The following PAM variants were observed in gnomAD, a reference collection of about 807,000 sequenced individuals.
PAM encodes the protein peptidylglycine alpha-amidating monooxygenase.
Under a neutral mutation model 122.1 loss-of-function variants are expected in PAM, and 72 were observed. The observed-to-expected ratio is 0.59, with a 90% confidence interval of 0.49 to 0.72. The LOEUF is 0.72. PAM is among the 30% of genes least tolerant of loss of function. The probability of loss-of-function intolerance (pLI) is 0.00; values close to 1 mark genes in which losing one functional copy is unlikely to be tolerated. For missense variants in PAM, 1,106 were observed against 1,183.7 expected (o/e 0.93, Z 0.96); for synonymous variants, 389 against 404.4 (o/e 0.96, Z 0.46).
chr5:102,970,463 G>C (rs1374663839), intron 14 of PAM, among the ~76,000 whole-genome samples: 1 of 152,124 alleles, frequency 6.6e-6, no homozygotes, highest in African/African-American at 2.4e-5. Flanking sequence ...TGAAGGATAT[G>C]TTATGTTAGA....
At chr5:102,918,203 A>C (rs1561881238) in intron 5 of PAM, among the ~76,000 whole-genome samples, 1 of 152,126 alleles carries the variant, frequency 6.6e-6, no homozygotes, top group East Asian at 1.9e-4. Flanking sequence ...TGTAACCCCA[A>C]TGCCTTCTTC....
chr5:102,965,497 G>T (rs2150315524), intron 14 of PAM, among the ~76,000 whole-genome samples: 1 of 151,998 alleles, frequency 6.6e-6, no homozygotes. Context: ...GGAAGATTCA[G>T]TGTCTTAAAT....
intron 15 of PAM, among the ~76,000 whole-genome samples, chr5:102,976,053 T>G (rs1432052108): frequency 6.6e-6 from 1 of 152,122 alleles, no homozygotes; most frequent in Non-Finnish European, 1.5e-5. Flanking sequence ...ATGGTAGTGC[T>G]CAAGAGAAAA....
chr5:102,959,874 G>T lies in PAM; in HGVS notation c.906-1G>T. ...TTGTTATATCTTTTTTTTGCCTGCA[G>T]TGGCACGTCTAGTGATGAAATGTGC... On this transcript the variant is annotated splice_acceptor_variant, in intron 12 of 25. Coordinates refer to ENST00000438793, the MANE Select transcript of PAM (RefSeq NM_001177306.2). LOFTEE classifies it high-confidence loss of function. 1 of 1,601,722 alleles carries T rather than the reference G, an allele frequency of 6.2e-7. No individual in the cohort carries two copies. Among genetic ancestry groups the T allele is most frequent in the Non-Finnish European group, 8.5e-7 (1 of 1,172,716 alleles).
intron 1 of PAM, among the ~76,000 whole-genome samples, chr5:102,779,847 T>C (rs537068567): frequency 1.4e-5 from 2 of 146,398 alleles, no homozygotes; most frequent in East Asian, 2.0e-4. Flanking sequence ...TGTGGGACCT[T>C]GTGATCATGT....
chr5:102,790,477 T>A (rs1276822212), intron 1 of PAM, among the ~76,000 whole-genome samples: 3 of 152,070 alleles, frequency 2.0e-5, no homozygotes, highest in African/African-American at 7.2e-5. Flanking sequence ...TCAATAAGCC[T>A]GTGGTTCTTA....
At chr5:102,916,180 T>C (rs1803031937) in intron 5 of PAM, among the ~76,000 whole-genome samples, 1 of 152,108 alleles carries the variant, frequency 6.6e-6, no homozygotes, top group African/African-American at 2.4e-5. Context: ...AGGCCATTTT[T>C]AAAGCCTCTC....
At chr5:102,802,518 T>C (rs1765053854) in intron 1 of PAM, among the ~76,000 whole-genome samples, 1 of 152,090 alleles carries the variant, frequency 6.6e-6, no homozygotes, top group Non-Finnish European at 1.5e-5. Context: ...AGGGCAGATA[T>C]TTATGCGGGA....
chr5:103,028,089 T>C, intron 24 of PAM, 96 bp from the exon 25 acceptor site: 1 of 903,458 alleles, frequency 1.1e-6, no homozygotes. Flanking sequence ...CCTTGCTTTA[T>C]CATTTACCAG....
chr5:102,807,536 G>A (rs1234917876), intron 1 of PAM, among the ~76,000 whole-genome samples: 1 of 152,150 alleles, frequency 6.6e-6, no homozygotes, highest in African/African-American at 2.4e-5. Context: ...TCATAATTAG[G>A]CAATTCGCTG....
In PAM at chr5:102,946,834, C is replaced by T. The variant is rs769490020; in HGVS notation, c.527-3C>T. On this transcript the variant is annotated splice_polypyrimidine_tract_variant and splice_region_variant and intron_variant, in intron 7 of 25. Coordinates refer to ENST00000438793, the MANE Select transcript of PAM (RefSeq NM_001177306.2). ...AGATATGTGTTTCTATGTGTGTTTT[C>T]AGATAATAACAAGGACTGTTCTGGT... 1.9e-6 allele frequency: 3 copies of T among 1,573,268 alleles called. No homozygotes were observed. The highest frequency in any genetic ancestry group is 1.1e-5 in the South Asian group (1 of 89,594).
intron 1 of PAM, among the ~76,000 whole-genome samples, chr5:102,817,721 C>T (rs1027391288): frequency 3.5e-5 from 3 of 84,680 alleles, no homozygotes; most frequent in African/African-American, 1.2e-4. Context: ...AGTAATTCTT[C>T]CAAAACATGT....
intron 3 of PAM, chr5:102,873,357 C>T (rs1581183710): frequency 6.6e-6 from 1 of 152,136 alleles, no homozygotes; most frequent in African/African-American, 2.4e-5. Context: ...CTTTTGGGCA[C>T]CAGCTGGTGG....
At chr5:102,874,153 T>C (rs548270031) in intron 3 of PAM, among the ~76,000 whole-genome samples, 43 of 152,340 alleles carry the variant, frequency 2.8e-4, no homozygotes, top group African/African-American at 9.6e-4. Context: ...GCCCTTTTTT[T>C]GTTTATTTAG....
chr5:102,875,647 A>G (rs1176388199), intron 3 of PAM, among the ~76,000 whole-genome samples: 4 of 152,184 alleles, frequency 2.6e-5, no homozygotes, highest in Non-Finnish European at 5.9e-5. Context: ...ATTCTTGTCT[A>G]AATCTAAACT....
At chr5:102,895,180 A>G (rs970288537) in intron 3 of PAM, among the ~76,000 whole-genome samples, 1 of 151,742 alleles carries the variant, frequency 6.6e-6, no homozygotes, top group Admixed American at 6.6e-5. Flanking sequence ...GTCTAATTAC[A>G]CGGCCTTTGA....
chr5:102,967,358 A>T (rs567230211), intron 14 of PAM, among the ~76,000 whole-genome samples: 3 of 152,344 alleles, frequency 2.0e-5, no homozygotes, highest in Non-Finnish European at 4.4e-5. Flanking sequence ...TGGGTATTTT[A>T]TAAGAATCAA....
At chr5:102,801,880 G>A (rs987420127) in intron 1 of PAM, among the ~76,000 whole-genome samples, 2 of 142,874 alleles carry the variant, frequency 1.4e-5, no homozygotes, top group African/African-American at 5.3e-5. Flanking sequence ...CTGGGTTCAC[G>A]CCATTCTCCT....
intron 1 of PAM, among the ~76,000 whole-genome samples, chr5:102,797,146 G>C (rs1388909696): frequency 6.6e-6 from 1 of 152,094 alleles, no homozygotes; most frequent in Non-Finnish European, 1.5e-5. Flanking sequence ...AAGACTACTG[G>C]CATAAAAGAG....
Sources: gnomAD v4.1 joint callset for allele counts (sites outside exome capture counted in the v4.1 genomes callset) on GRCh38, gnomAD v4.1.1 for gene constraint, MANE v1.5 for transcripts, NCBI Gene and HGNC (gene_info 2026-07-23, HGNC 2026-07-21) for gene names.